The following ZRANB3 variants were observed in gnomAD, a reference collection of about 807,000 sequenced individuals.
ZRANB3 encodes zinc finger RANBP2-type containing 3, also known as DNA annealing helicase and endonuclease ZRANB3.
Under a neutral mutation model 133.8 loss-of-function variants are expected in ZRANB3, and 125 were observed. That is an observed-to-expected ratio of 0.93 (90% CI 0.81 to 1.08). The LOEUF (loss-of-function observed/expected upper bound fraction) is 1.08. ZRANB3 is among the 50% of genes least tolerant of loss of function. ZRANB3 has a pLI of 0.00. For missense variants in ZRANB3, 1,229 were observed against 1,275.5 expected (o/e 0.96, Z 0.56); for synonymous variants, 387 against 432.7 (o/e 0.89, Z 1.31).
chr2:135,391,106 G>A (rs1368051732), intron 2 of ZRANB3, among the ~76,000 whole-genome samples: 1 of 152,112 alleles, frequency 6.6e-6, no homozygotes, highest in Non-Finnish European at 1.5e-5. Context: ...TGATCTGCTC[G>A]CCTCAGCCTC....
At chr2:135,242,596 G>A (rs1295359226) in intron 12 of ZRANB3, among the ~76,000 whole-genome samples, 2 of 151,994 alleles carry the variant, frequency 1.3e-5, no homozygotes, top group Non-Finnish European at 2.9e-5. Context: ...CTTTCGGTAG[G>A]TACTTTCAAT....
chr2:135,466,382 CAAAAAAAAA>C lies in ZRANB3; in HGVS notation c.161+37938_161+37946del, dbSNP rs553890734. Among the ~76,000 whole-genome samples, 23 of 28,242 alleles carry C rather than the reference CAAAAAAAAA, an allele frequency of 8.1e-4. No individual in the cohort carries two copies. The East Asian group carries it at 0.014, about 17-fold the overall frequency. 18.5% of individuals were successfully genotyped at this position (28,242 alleles called of 152,430 possible). On this transcript the variant is annotated intron_variant, in intron 2 of 20. Transcript: ENST00000264159. ...TGGGCGACAGAGTAAGACTCCGTCA[CAAAAAAAAA>C]AAAAAAAAAAAAAAAAAAATAGAAG...
At chr2:135,236,993 G>A (rs1032596256) in intron 12 of ZRANB3, among the ~76,000 whole-genome samples, 1 of 152,004 alleles carries the variant, frequency 6.6e-6, no homozygotes, top group East Asian at 1.9e-4. Context: ...TACCATCAGA[G>A]TGAACAGGCA....
intron 8 of ZRANB3, among the ~76,000 whole-genome samples, chr2:135,310,592 ATTG>A (rs1286867807): frequency 6.6e-6 from 1 of 152,176 alleles, no homozygotes; most frequent in Non-Finnish European, 1.5e-5. Flanking sequence ...TCAGAAATGC[ATTG>A]TTAAGGGAAT....
At chr2:135,217,399 G>C in intron 17 of ZRANB3, 66 bp downstream of exon 17, 1 of 1,435,600 alleles carries the variant, frequency 7.0e-7, no homozygotes, top group Non-Finnish European at 9.2e-7. Context: ...AGATGCCTCA[G>C]ACCCCCCTGT....
At chr2:135,403,702 G>A (rs1000060847) in intron 2 of ZRANB3, among the ~76,000 whole-genome samples, 3 of 152,090 alleles carry the variant, frequency 2.0e-5, no homozygotes, top group Non-Finnish European at 4.4e-5. Context: ...AGGCACCCCC[G>A]AGTAGGGGCA....
In ZRANB3 at chr2:135,381,934, G is replaced by A. The variant is rs182674732; in HGVS notation, c.180+8868C>T. On this transcript the variant is annotated intron_variant, in intron 3 of 20. Coordinates refer to ENST00000264159, the MANE Select transcript of ZRANB3 (RefSeq NM_032143.4). Reference sequence around the variant, plus strand: ...AACTGAAAATTCTAAAAATCAGAGCGCCTCTCCTCCTCCAGAGGAACGCAG... The same window carrying A: ...AACTGAAAATTCTAAAAATCAGAGCACCTCTCCTCCTCCAGAGGAACGCAG... Among the ~76,000 whole-genome samples the A allele has an allele frequency of 3.0e-3, 459 of 152,256 alleles. 2 individuals carry two copies. Among genetic ancestry groups the A allele is most frequent in the African/African-American group, 0.01 (432 of 41,554 alleles).
rs61201579 is a variant in ZRANB3 at position 135,330,663 on chromosome 2, C to G, written c.677+14887G>C. Among the ~76,000 whole-genome samples the G allele has an allele frequency of 2.3e-4, 34 of 149,202 alleles. No individual in the cohort carries two copies. The East Asian group carries it at 6.4e-3, about 28-fold the overall frequency. On this transcript the variant is annotated intron_variant, in intron 6 of 20. Coordinates refer to ENST00000264159, the MANE Select transcript of ZRANB3 (RefSeq NM_032143.4). Reference sequence around the variant, plus strand: ...CTCTTTGTAATTCTGGTAGAATTCCCTGTGAATCTGTCTGGTCCTGGACTT... The same window carrying G: ...CTCTTTGTAATTCTGGTAGAATTCCGTGTGAATCTGTCTGGTCCTGGACTT...
intron 2 of ZRANB3, among the ~76,000 whole-genome samples, chr2:135,479,205 T>C (rs1372955075): frequency 6.6e-6 from 1 of 152,126 alleles, no homozygotes; most frequent in Non-Finnish European, 1.5e-5. Flanking sequence ...AATTAATACA[T>C]ATGTTCACCA....
At chr2:135,439,886 T>G (rs906607899) in intron 2 of ZRANB3, among the ~76,000 whole-genome samples, 3 of 152,224 alleles carry the variant, frequency 2.0e-5, no homozygotes, top group African/African-American at 7.2e-5. Flanking sequence ...TGACCATGCC[T>G]TTCGCTCACA....
intron 8 of ZRANB3, among the ~76,000 whole-genome samples, chr2:135,300,788 T>C (rs1682388359): frequency 6.6e-6 from 1 of 152,220 alleles, no homozygotes; most frequent in Non-Finnish European, 1.5e-5. Flanking sequence ...AGATTATCAG[T>C]GAGCATCCTA....
chr2:135,287,296 G>A (rs566838661), intron 8 of ZRANB3, among the ~76,000 whole-genome samples: 1 of 152,234 alleles, frequency 6.6e-6, no homozygotes, highest in Non-Finnish European at 1.5e-5. Context: ...TTTTATACAA[G>A]TACCATGCTG....
intron 1 of ZRANB3, among the ~76,000 whole-genome samples, chr2:135,506,652 G>C (rs1693202912): frequency 6.6e-6 from 1 of 152,216 alleles, no homozygotes; most frequent in Admixed American, 6.5e-5. Flanking sequence ...GTGTCTGGTA[G>C]CTATGATATT....
intron 1 of ZRANB3, among the ~76,000 whole-genome samples, chr2:135,524,440 C>T (rs1334711249): frequency 1.3e-5 from 2 of 152,006 alleles, no homozygotes; most frequent in Admixed American, 6.6e-5. Flanking sequence ...CATTGATTCT[C>T]GATGACACCC....
At chr2:135,425,816 T>G (rs1030999077) in intron 2 of ZRANB3, among the ~76,000 whole-genome samples, 1 of 151,282 alleles carries the variant, frequency 6.6e-6, no homozygotes, top group Non-Finnish European at 1.5e-5. Context: ...ACCCCAAGGA[T>G]AGCAGAAGAC....
intron 6 of ZRANB3, among the ~76,000 whole-genome samples, chr2:135,329,331 T>G (rs1684017053): frequency 6.6e-6 from 1 of 152,056 alleles, no homozygotes. Flanking sequence ...TTTCCCCATA[T>G]TTGTTTTTGT....
chr2:135,398,240 G>GT (rs902120888), intron 2 of ZRANB3, among the ~76,000 whole-genome samples: 1 of 151,034 alleles, frequency 6.6e-6, no homozygotes, highest in African/African-American at 2.4e-5. Context: ...TAATTGTTTT[G>GT]TTTTTTTAGT....
intron 2 of ZRANB3, among the ~76,000 whole-genome samples, chr2:135,407,681 C>T (rs1162616000): frequency 6.6e-6 from 1 of 151,764 alleles, no homozygotes; most frequent in Non-Finnish European, 1.5e-5. Context: ...TATCTACAGT[C>T]ATCTGATCTT....
intron 8 of ZRANB3, among the ~76,000 whole-genome samples, chr2:135,281,856 C>T (rs1032190539): frequency 2.0e-5 from 3 of 152,178 alleles, no homozygotes; most frequent in African/African-American, 4.8e-5. Flanking sequence ...TCAGCTGTCA[C>T]ACCCCAGTTG....
Sources: gnomAD v4.1 joint callset for allele counts (sites outside exome capture counted in the v4.1 genomes callset) on GRCh38, gnomAD v4.1.1 for gene constraint, MANE v1.5 for transcripts, NCBI Gene and HGNC (gene_info 2026-07-23, HGNC 2026-07-21) for gene names.